The following ZFAT variants were observed in gnomAD, a reference collection of about 807,000 sequenced individuals.
The protein encoded by ZFAT is zinc finger and AT-hook domain containing.
In ZFAT, 64 loss-of-function variants were observed where a neutral mutation model predicts 117.7. The ratio of observed to expected loss-of-function variants is 0.54; its 90% CI spans 0.44 to 0.67. ZFAT has a LOEUF of 0.67. Ranked by LOEUF, ZFAT falls within the 30% of genes least tolerant of loss-of-function variation. The pLI is 0.00. For missense variants in ZFAT, 1,433 were observed against 1,584.5 expected, an observed-to-expected ratio of 0.90 and a Z score of 1.62; for synonymous variants, 679 against 615.0, an observed-to-expected ratio of 1.10 and a Z score of -1.54.
At chr8:134,600,342 G>C (rs1563654061) in intron 7 of ZFAT, 94 bp downstream of exon 7, 1 of 1,127,684 alleles carries the variant, frequency 8.9e-7, no homozygotes. Context: ...TTTCAGGGCT[G>C]ACCTGCAGCA....
At position 134,590,328 on chromosome 8, in the gene ZFAT, A is replaced by C; in HGVS notation, c.2503T>G (p.Cys835Gly). 1 of 1,613,372 alleles carries C rather than the reference A, an allele frequency of 6.2e-7. No individual in the cohort carries two copies. Among genetic ancestry groups the C allele is most frequent in the Non-Finnish European group, 8.5e-7 (1 of 1,179,364 alleles). ...CGATCCTCTGAAAAAGACTTTTCAC[A>C]AACAGGACAAGAATAACTCCTTTTG... ...LDKRSYSCPV[C>G]EKSFSEDRLI... The change falls in exon 8 of 16, where the codon TGT becomes GGT. Residue 835 changes from cysteine to glycine, a missense_variant. This residue lies in a region of ZFAT where 503 missense variants were observed against 543.4 expected (regional missense o/e 0.93). Coordinates refer to ENST00000377838, the MANE Select transcript of ZFAT (RefSeq NM_020863.4).
At chr8:134,600,719 T>C in intron 6 of ZFAT, 51 bp from the exon 7 acceptor site, 1 of 1,396,122 alleles carries the variant, frequency 7.2e-7, no homozygotes, top group Non-Finnish European at 9.6e-7. Flanking sequence ...TTGACTGATT[T>C]TGAATTTTTT....
chr8:134,585,548 C>A (rs950375435), intron 9 of ZFAT, among the ~76,000 whole-genome samples: 26 of 152,250 alleles, frequency 1.7e-4, no homozygotes, highest in African/African-American at 6.0e-4. Flanking sequence ...AGGAGAAGAA[C>A]CAAGCAAAGC....
intron 5 of ZFAT, among the ~76,000 whole-genome samples, chr8:134,607,094 A>G (rs937030400): frequency 6.6e-6 from 1 of 152,180 alleles, no homozygotes; most frequent in African/African-American, 2.4e-5. Flanking sequence ...TATAGCCTAG[A>G]TCTGTTGATT....
the ZFAT span, among the ~76,000 whole-genome samples, chr8:134,827,047 T>C: frequency 6.6e-6 from 1 of 152,142 alleles, no homozygotes; most frequent in African/African-American, 2.4e-5. Flanking sequence ...CAGCCTTTCT[T>C]TTTTAGGGGT....
At position 134,478,742 on chromosome 8, in the gene ZFAT, A is replaced by G; in HGVS notation, c.3493-21T>C. The G allele has an allele frequency of 1.3e-6, 2 of 1,541,132 alleles. No individual in the cohort carries two copies. The highest frequency in any genetic ancestry group is 1.8e-6 in the Non-Finnish European group (2 of 1,141,172). On this transcript the variant is annotated intron_variant, in intron 15 of 15. Transcript: ENST00000377838. The surrounding 1 kb of genome is among the most constrained non-coding windows in gnomAD (Gnocchi z 5.2). ...GTGACCTGCGGGAGGAGGGCAAGAG[A>G]AAGGTCACCCAGCGCCTACTTCCCG...
chr8:134,599,501 C>G (rs1183460524), intron 7 of ZFAT: 2 of 282,642 alleles, frequency 7.1e-6, no homozygotes, highest in Non-Finnish European at 1.4e-5. Context: ...GTGACTTGCC[C>G]AAGGCCACAG....
the ZFAT span, among the ~76,000 whole-genome samples, chr8:134,772,834 G>C: frequency 6.6e-6 from 1 of 152,118 alleles, no homozygotes; most frequent in Non-Finnish European, 1.5e-5. Flanking sequence ...ACTGAGATGG[G>C]AGGATCACTT....
At chr8:134,583,762 T>C in intron 10 of ZFAT, 70 bp downstream of exon 10, 1 of 1,560,214 alleles carries the variant, frequency 6.4e-7, no homozygotes, top group Non-Finnish European at 8.7e-7. Flanking sequence ...AGCAAGTTTC[T>C]GACAAACTGG....
intron 13 of ZFAT, among the ~76,000 whole-genome samples, chr8:134,516,757 G>C (rs1261616264): frequency 6.6e-6 from 1 of 151,952 alleles, no homozygotes; most frequent in Admixed American, 6.6e-5. Flanking sequence ...ACTGTCTCCT[G>C]AGGTAAGAGA....
chr8:134,800,740 T>A, the ZFAT span: 3 of 312,388 alleles, frequency 9.6e-6, no homozygotes, highest in South Asian at 8.4e-5. Flanking sequence ...AGAGAAAGTG[T>A]AGAATCCAAG....
the ZFAT span, among the ~76,000 whole-genome samples, chr8:134,755,965 G>C: frequency 2.3e-4 from 35 of 152,274 alleles, no homozygotes; most frequent in Admixed American, 2.1e-3. Flanking sequence ...CTGGCACATG[G>C]TAATTGTTCA....
At position 134,602,100 on chromosome 8, in the gene ZFAT, G is replaced by A. The variant is rs1430227348; in HGVS notation, c.1619C>T (p.Thr540Ile). The part of the protein sequence containing the change: ...ALKEEACPGD[T>I]QLEEGRKEPE... ...CTCCTTCCGGCCCTCCTCCAGCTGA[G>A]TGTCCCCAGGACAGGCCTCTTCCTT... Residue 540 changes from threonine (T) to isoleucine (I), a missense_variant, in exon 6 of 16, where the codon ACT (threonine) becomes ATT (isoleucine). By Grantham distance (89) the Thr-to-Ile change is moderately conservative. This residue lies in a region of ZFAT where 372 missense variants were observed against 355.6 expected (regional missense o/e 1.05). Coordinates refer to ENST00000377838, the MANE Select transcript of ZFAT (RefSeq NM_020863.4). The A allele has an allele frequency of 3.7e-6, 6 of 1,612,030 alleles. No homozygotes were observed. The highest frequency in any genetic ancestry group is 3.3e-5 in the South Asian group (3 of 90,832).
rs1184793425 is a variant in ZFAT, at chr8:134,520,871, T to TA, written c.3234+11dup. On this transcript the variant is annotated intron_variant, in intron 13 of 15. Coordinates refer to ENST00000377838, the MANE Select transcript of ZFAT (RefSeq NM_020863.4). Reference sequence around the variant, plus strand: ...GAAATGTCAAGATTAATACCATACTTAAAAAAATTACCTCCCACTTGGGGT... The same window carrying TA: ...GAAATGTCAAGATTAATACCATACTTAAAAAAAATTACCTCCCACTTGGGGT... The TA allele has an allele frequency of 2.5e-6, 4 of 1,608,866 alleles. No individual in the cohort carries two copies. The highest frequency in any genetic ancestry group is 2.2e-5 in the East Asian group (1 of 44,836).
At chr8:134,827,109 T>C in the ZFAT span, among the ~76,000 whole-genome samples, 2 of 152,114 alleles carry the variant, frequency 1.3e-5, no homozygotes, top group South Asian at 2.1e-4. Context: ...TGGAGTGTAG[T>C]GGCGTGATCT....
chr8:134,637,544 C>T lies in ZFAT; in HGVS notation c.365G>A (p.Cys122Tyr), dbSNP rs1247775384. ...PPSSLECSKCCRKFSNTRQLR... is the reference protein window; with the variant it reads ...PPSSLECSKCYRKFSNTRQLR... ...CTGGCGCGTGTTGGAGAACTTCCGA[C>T]AGCACTTGCTACACTCCAAGCTGCT... The change falls in exon 3 of 16, where the codon TGT becomes TAT. Residue 122 changes from cysteine to tyrosine, a missense_variant. Physicochemically the swap from Cys to Tyr is radical, Grantham distance 194. Around this residue, in one of 5 missense-constraint regions of ZFAT, gnomAD observed 436 missense variants for 482.0 expected, o/e 0.90. Coordinates refer to ENST00000377838, the MANE Select transcript of ZFAT (RefSeq NM_020863.4). 3.4e-5 allele frequency: 55 copies of T among 1,614,136 alleles called. No individual in the cohort carries two copies. Among genetic ancestry groups the T allele is most frequent in the Non-Finnish European group, 4.4e-5 (52 of 1,180,038 alleles).
At chr8:134,559,890 A>G (rs1429589858) in intron 11 of ZFAT, among the ~76,000 whole-genome samples, 1 of 152,184 alleles carries the variant, frequency 6.6e-6, no homozygotes, top group Non-Finnish European at 1.5e-5. Context: ...TTTATTTTTA[A>G]TATGAGATAT....
At chr8:134,744,568 T>C in the ZFAT span, among the ~76,000 whole-genome samples, 1 of 151,892 alleles carries the variant, frequency 6.6e-6, no homozygotes. Context: ...AGTGCTGGGA[T>C]TACAGACGTG....
At chr8:134,629,581 G>C (rs1005683884) in intron 3 of ZFAT, among the ~76,000 whole-genome samples, 5 of 152,138 alleles carry the variant, frequency 3.3e-5, no homozygotes, top group Non-Finnish European at 5.9e-5. Flanking sequence ...CCTCCTTACT[G>C]TTCTCATAAT....
Sources: gnomAD v4.1 joint callset for allele counts (sites outside exome capture counted in the v4.1 genomes callset) on GRCh38, gnomAD v4.1.1 for gene constraint, gnomAD v4.1.1 regional missense constraint, Gnocchi (gnomAD v3.1) non-coding constraint, MANE v1.5 for transcripts, NCBI Gene and HGNC (gene_info 2026-07-23, HGNC 2026-07-21) for gene names.